The following KCNA6 variants were observed in gnomAD, a reference collection of about 807,000 sequenced individuals.
The protein encoded by KCNA6 is human brain potassium channel-2.
In KCNA6, 17 loss-of-function variants were observed where a neutral mutation model predicts 29.5. That is an observed-to-expected ratio of 0.58 (90% CI 0.39 to 0.86). The LOEUF is 0.86. KCNA6 is among the 40% of genes least tolerant of loss of function. The probability of loss-of-function intolerance (pLI) is 0.00; values close to 1 mark genes in which losing one functional copy is unlikely to be tolerated. For synonymous variants in KCNA6, 296 were observed against 304.7 expected (o/e 0.97, Z 0.30); for missense variants, 450 against 703.4 (o/e 0.64, Z 4.07).
the KCNA6 span, among the ~76,000 whole-genome samples, chr12:4,848,725 G>A: frequency 6.6e-6 from 1 of 151,822 alleles, no homozygotes. Flanking sequence ...GTAGAGACGG[G>A]GTTTCTCCAT....
chr12:4,846,765 CTTTTTTT>C, the KCNA6 span, among the ~76,000 whole-genome samples: 3 of 100,594 alleles, frequency 3.0e-5, no homozygotes, highest in Non-Finnish European at 5.8e-5. Context: ...TGGAACACCT[CTTTTTTT>C]TTTTTTTTTT....
At chr12:4,838,869 G>A in the KCNA6 span, 1 of 152,140 alleles carries the variant, frequency 6.6e-6, no homozygotes, top group African/African-American at 2.4e-5. Context: ...ATGGGACTAG[G>A]GCCCCACCCT....
At chr12:4,829,298 G>A in the KCNA6 span, among the ~76,000 whole-genome samples, 7 of 152,208 alleles carry the variant, frequency 4.6e-5, no homozygotes, top group South Asian at 8.3e-4. Context: ...TGTACTTACC[G>A]TCTGAGGAGG....
chr12:4,849,272 C>T, the KCNA6 span, among the ~76,000 whole-genome samples: 14 of 151,996 alleles, frequency 9.2e-5, no homozygotes, highest in African/African-American at 1.7e-4. Context: ...TCTAATGACC[C>T]GTAGCGTTTG....
downstream of KCNA6, among the ~76,000 whole-genome samples, chr12:4,816,119 G>A (rs1447324865): frequency 6.6e-6 from 1 of 152,166 alleles, no homozygotes; most frequent in African/African-American, 2.4e-5. Context: ...AAATCTAGAA[G>A]CTTAGCATGT....
the KCNA6 span, among the ~76,000 whole-genome samples, chr12:4,824,943 A>G: frequency 6.6e-6 from 1 of 152,230 alleles, no homozygotes; most frequent in Non-Finnish European, 1.5e-5. Context: ...ATAATTGAGC[A>G]GGAAGAGAAT....
the KCNA6 span, among the ~76,000 whole-genome samples, chr12:4,820,581 A>ACACACACACG: frequency 2.0e-4 from 31 of 151,842 alleles, no homozygotes; most frequent in African/African-American, 7.5e-4. Flanking sequence ...ACACACACAC[A>ACACACACACG]CACACACACA....
At chr12:4,817,180 G>A (rs1946690712), downstream of KCNA6, among the ~76,000 whole-genome samples, 1 of 152,186 alleles carries the variant, frequency 6.6e-6, no homozygotes, top group Non-Finnish European at 1.5e-5. Flanking sequence ...GTCACTTAGG[G>A]GAGGAAAAGA....
the KCNA6 span, among the ~76,000 whole-genome samples, chr12:4,845,984 G>GTTTTTTTTT: frequency 1.5e-5 from 2 of 129,456 alleles, no homozygotes; most frequent in African/African-American, 3.0e-5. Flanking sequence ...GAATTTTAGA[G>GTTTTTTTTT]TTTTTTTTTT....
At chr12:4,832,477 A>G in the KCNA6 span, among the ~76,000 whole-genome samples, 23,616 of 152,034 alleles carry the variant, frequency 0.16, 1,911 homozygotes, top group South Asian at 0.17. Context: ...TCCTGAGACA[A>G]TACGCTTTTT....
chr12:4,835,699 T>C, the KCNA6 span, among the ~76,000 whole-genome samples: 1 of 152,124 alleles, frequency 6.6e-6, no homozygotes, highest in Admixed American at 6.5e-5. Context: ...CTGGAGAGTC[T>C]TGGCTACCTT....
the KCNA6 span, among the ~76,000 whole-genome samples, chr12:4,835,206 C>T: frequency 4.7e-5 from 7 of 150,112 alleles, no homozygotes; most frequent in African/African-American, 1.7e-4. Flanking sequence ...GCGATCTCTG[C>T]TCACTGCAAG....
chr12:4,844,597 T>C, the KCNA6 span, among the ~76,000 whole-genome samples: 259 of 152,222 alleles, frequency 1.7e-3, no homozygotes, highest in Non-Finnish European at 2.8e-3. The surrounding 1 kb of genome is among the most constrained non-coding windows in gnomAD (Gnocchi z 4.0). Flanking sequence ...CCTTTACTGC[T>C]GGAGGAAAGT....
Position 4,811,440 on chromosome 12 carries a change from C to T in KCNA6, c.1399C>T (p.Arg467Trp), listed in dbSNP as rs1303120890. ...CTCCAACTTCAACTACTTCTACCAC[C>T]GGGAGACGGAGCAGGAGGAGCAAGG... Residue 467 changes from arginine (R) to tryptophan (W), a missense_variant, in exon 1 of 1, where the codon CGG (arginine) becomes TGG (tryptophan). Physicochemically the swap from Arg to Trp is moderately radical, Grantham distance 101. Around this residue, in one of 7 missense-constraint regions of KCNA6, gnomAD observed 57 missense variants for 140.3 expected, o/e 0.41. Coordinates refer to ENST00000280684, the Ensembl canonical transcript of KCNA6. This position sits in a 1 kb window ranked among gnomAD's most constrained non-coding sequence, Gnocchi z 7.1. The T allele has an allele frequency of 1.2e-5, 19 of 1,614,082 alleles. No homozygotes were observed. The highest frequency in any genetic ancestry group is 2.2e-5 in the East Asian group (1 of 44,900).
the KCNA6 span, among the ~76,000 whole-genome samples, chr12:4,835,517 A>G: frequency 6.6e-6 from 1 of 151,196 alleles, no homozygotes; most frequent in Non-Finnish European, 1.5e-5. Context: ...TTAGCCCTTT[A>G]TAAATGTAAT....
At chr12:4,841,642 G>A in the KCNA6 span, among the ~76,000 whole-genome samples, 4 of 152,290 alleles carry the variant, frequency 2.6e-5, no homozygotes. Context: ...TTTGTACCAT[G>A]TTAGCTTGCC....
chr12:4,850,950 T>C, the KCNA6 span: 1 of 383,414 alleles, frequency 2.6e-6, no homozygotes, highest in Non-Finnish European at 5.3e-6. This position sits in a 1 kb window ranked among gnomAD's most constrained non-coding sequence, Gnocchi z 5.4. Flanking sequence ...GCCCAGAATG[T>C]TGGGGTGAAG....
At chr12:4,832,753 C>G in the KCNA6 span, among the ~76,000 whole-genome samples, 1 of 152,132 alleles carries the variant, frequency 6.6e-6, no homozygotes, top group Non-Finnish European at 1.5e-5. Context: ...CCTCATGACT[C>G]GAAATCCTAA....
downstream of KCNA6, chr12:4,814,639 A>C (rs1946664545): frequency 6.0e-6 from 1 of 167,164 alleles, no homozygotes; most frequent in African/African-American, 2.4e-5. The surrounding 1 kb of genome is among the most constrained non-coding windows in gnomAD (Gnocchi z 4.6). Flanking sequence ...GGTGATTCAC[A>C]GGAAGGGTCC....
Sources: allele counts gnomAD v4.1 joint callset (sites outside exome capture counted in the v4.1 genomes callset), GRCh38; gene constraint gnomAD v4.1.1; regional missense constraint gnomAD v4.1.1; non-coding constraint Gnocchi (gnomAD v3.1); transcripts MANE v1.5; gene names NCBI Gene and HGNC (gene_info 2026-07-23, HGNC 2026-07-21).